The following ZNF420 variants were observed in gnomAD, a reference collection of about 807,000 sequenced individuals.
ZNF420 encodes zinc finger protein 420, also known as ATM and p53-associated KZNF protein.
ZNF420 carries 31 observed loss-of-function variants against 44.7 expected under a neutral mutation model. The observed-to-expected ratio is 0.69, with a 90% CI of 0.52 to 0.94. The LOEUF (loss-of-function observed/expected upper bound fraction) is 0.94. Ranked by LOEUF, ZNF420 falls within the 40% of genes least tolerant of loss-of-function variation. ZNF420 has a pLI of 0.00. For synonymous variants in ZNF420, 245 were observed against 267.4 expected, an observed-to-expected ratio of 0.92 and a Z score of 0.82; for missense variants, 681 against 827.9, an observed-to-expected ratio of 0.82 and a Z score of 2.18.
chr19:37,016,347 G>A (rs2074608793), intron 1 of ZNF420, among the ~76,000 whole-genome samples: 1 of 152,252 alleles, frequency 6.6e-6, no homozygotes, highest in Non-Finnish European at 1.5e-5. Context: ...GCAGTTGACT[G>A]GGTGCAGGCC....
chr19:37,048,307 AAATT>A (rs1343543716), intron 1 of ZNF420, among the ~76,000 whole-genome samples: 4 of 152,354 alleles, frequency 2.6e-5, no homozygotes, highest in Admixed American at 2.6e-4. Context: ...ACCTGTGCAC[AAATT>A]AATTGATGTG....
chr19:37,123,472 C>T (rs1173604766), intron 4 of ZNF420, among the ~76,000 whole-genome samples: 1 of 152,042 alleles, frequency 6.6e-6, no homozygotes, highest in Non-Finnish European at 1.5e-5. Flanking sequence ...TAAGATACAA[C>T]CTTAGGCTAT....
chr19:37,102,324 GA>G (rs1372010851), intron 4 of ZNF420, among the ~76,000 whole-genome samples: 4 of 152,212 alleles, frequency 2.6e-5, no homozygotes, highest in African/African-American at 9.6e-5. Flanking sequence ...AGATACGGAT[GA>G]ATCTTACTCT....
chr19:37,089,062 C>CT lies in ZNF420; in HGVS notation c.-54dup. On this transcript the variant is annotated 5_prime_UTR_variant, in exon 3 of 5. The change creates a premature stop within an existing upstream ORF in the 5' untranslated region. Transcript: ENST00000337995. ...AGCTCTGCATTCTCCAGACTCTGTG[C>CT]TTTCCTAAGATAGGAACCCAGAAGA... is the stretch of plus-strand genomic sequence containing the variant. 1 of 1,560,996 alleles carries CT rather than the reference C, an allele frequency of 6.4e-7. No homozygotes were observed. Among genetic ancestry groups the CT allele is most frequent in the Middle Eastern group, 1.7e-4 (1 of 5,980 alleles).
At chr19:37,069,521 C>T (rs1968021890) in intron 1 of ZNF420, among the ~76,000 whole-genome samples, 1 of 152,044 alleles carries the variant, frequency 6.6e-6, no homozygotes, top group African/African-American at 2.4e-5. Context: ...AGCATGACAG[C>T]TTAGCATAAC....
At chr19:37,105,727 G>A (rs1970041730) in intron 4 of ZNF420, among the ~76,000 whole-genome samples, 1 of 152,134 alleles carries the variant, frequency 6.6e-6, no homozygotes. Flanking sequence ...GTGGTTTGTA[G>A]TTCTCCTTGA....
At chr19:37,031,545 G>A (rs928884745) in intron 1 of ZNF420, among the ~76,000 whole-genome samples, 3 of 151,692 alleles carry the variant, frequency 2.0e-5, no homozygotes, top group Admixed American at 6.6e-5. Flanking sequence ...TCGCTCTGTC[G>A]CCCAGGCTGG....
At chr19:37,066,537 G>T (rs573045090) in intron 1 of ZNF420, among the ~76,000 whole-genome samples, 4 of 152,204 alleles carry the variant, frequency 2.6e-5, no homozygotes, top group African/African-American at 9.6e-5. Context: ...AAGATGTTTT[G>T]CCAATAAGTA....
chr19:37,078,965 AG>A (rs1273392788), intron 1 of ZNF420, among the ~76,000 whole-genome samples: 1 of 152,104 alleles, frequency 6.6e-6, no homozygotes, highest in Non-Finnish European at 1.5e-5. Flanking sequence ...AGTAAATTTA[AG>A]GTGTGTGACA....
intron 1 of ZNF420, among the ~76,000 whole-genome samples, chr19:37,061,363 A>T (rs554769754): frequency 6.6e-6 from 1 of 152,218 alleles, no homozygotes; most frequent in Non-Finnish European, 1.5e-5. Context: ...TCAGACTGTT[A>T]TATATGCTCT....
In ZNF420 at chr19:37,129,165, A is replaced by G; in HGVS notation, c.*107A>G. 7.4e-7 allele frequency: 1 copy of G among 1,357,618 alleles called. No individual in the cohort carries two copies. The highest frequency in any genetic ancestry group is 2.2e-5 in the Admixed American group (1 of 44,498). The allele number at this position is 1,357,618 out of a possible 1,614,324, so 84.1% of individuals were successfully genotyped here. On this transcript the variant is annotated 3_prime_UTR_variant, in exon 5 of 5. Transcript: ENST00000337995. Reference sequence around the variant, plus strand: ...GCACATTTGCCTCATAAAGCACAGCATCAGATAATTTATGTGAGAGAAAAT... The same window carrying G: ...GCACATTTGCCTCATAAAGCACAGCGTCAGATAATTTATGTGAGAGAAAAT...
At chr19:37,126,996 T>TTA in intron 4 of ZNF420, 132 bp from the exon 5 acceptor site, 1 of 703,882 alleles carries the variant, frequency 1.4e-6, no homozygotes, top group Non-Finnish European at 2.2e-6. Flanking sequence ...GTAGGTATTA[T>TTA]ATGTCATAAT....
intron 4 of ZNF420, among the ~76,000 whole-genome samples, chr19:37,105,886 C>T (rs1041895451): frequency 6.6e-6 from 1 of 152,140 alleles, no homozygotes; most frequent in African/African-American, 2.4e-5. Context: ...GATTTTGTAT[C>T]CTGAGACTTT....
At chr19:37,048,264 A>G (rs1038791968) in intron 1 of ZNF420, among the ~76,000 whole-genome samples, 2 of 152,230 alleles carry the variant, frequency 1.3e-5, no homozygotes, top group Non-Finnish European at 2.9e-5. Context: ...ACTTAGAAGC[A>G]TCAGTAGGAT....
intron 4 of ZNF420, among the ~76,000 whole-genome samples, chr19:37,117,849 G>A (rs551099135): frequency 1.7e-4 from 26 of 152,324 alleles, no homozygotes; most frequent in Middle Eastern, 3.4e-3. Context: ...GAGCCGACAC[G>A]ATCAACTGGA....
intron 1 of ZNF420, among the ~76,000 whole-genome samples, chr19:37,071,732 C>A (rs576893962): frequency 1.3e-5 from 2 of 152,002 alleles, no homozygotes; most frequent in Non-Finnish European, 2.9e-5. Context: ...ACCCAAGAGG[C>A]GGAGGTTGCA....
intron 2 of ZNF420, among the ~76,000 whole-genome samples, chr19:37,081,606 A>G (rs533376158): frequency 1.2e-4 from 18 of 146,098 alleles, no homozygotes; most frequent in Admixed American, 1.2e-3. Flanking sequence ...GGTTCAAGCA[A>G]CCTCCACCTC....
intron 4 of ZNF420, among the ~76,000 whole-genome samples, chr19:37,123,627 G>A (rs1204737475): frequency 1.3e-4 from 8 of 60,454 alleles, no homozygotes; most frequent in East Asian, 5.9e-4. Flanking sequence ...TTTTTTGAGC[G>A]GAGTCTCGCT....
chr19:37,044,588 G>A (rs751276451), intron 1 of ZNF420, among the ~76,000 whole-genome samples: 5 of 152,046 alleles, frequency 3.3e-5, no homozygotes, highest in East Asian at 1.9e-4. Flanking sequence ...TTTCCAGGCC[G>A]GGTGCGGTGG....
Sources: allele counts gnomAD v4.1 joint callset (sites outside exome capture counted in the v4.1 genomes callset), GRCh38; gene constraint gnomAD v4.1.1; transcripts MANE v1.5; gene names NCBI Gene and HGNC (gene_info 2026-07-23, HGNC 2026-07-21).